Variants in ZNF248 observed in about 807,000 individuals in gnomAD.
The protein encoded by ZNF248 is zinc finger protein 248, also known as KRAB protein domain.
ZNF248 carries 20 observed loss-of-function variants against 44.3 expected under a neutral mutation model. The observed-to-expected ratio is 0.45, with a 90% CI of 0.32 to 0.66. The LOEUF is 0.66. Among genes scored for constraint, ZNF248 ranks in the 30% least tolerant of loss-of-function variants. The pLI is 0.04. For missense variants in ZNF248, 654 were observed against 677.0 expected, an observed-to-expected ratio of 0.97 and a Z score of 0.38; for synonymous variants, 224 against 229.0, an observed-to-expected ratio of 0.98 and a Z score of 0.20.
chr10:37,801,045 A>AGCCACAGATGTTTAG (rs2049749550), intron 6 of ZNF248, among the ~76,000 whole-genome samples: 1 of 151,732 alleles, frequency 6.6e-6, no homozygotes, highest in Non-Finnish European at 1.5e-5. Flanking sequence ...TACAGACATG[A>AGCCACAGATGTTTAG]GCCACTGTGC....
At chr10:37,760,764 G>A in the ZNF248 span, among the ~76,000 whole-genome samples, 14 of 152,104 alleles carry the variant, frequency 9.2e-5, no homozygotes, top group African/African-American at 3.4e-4. Context: ...AACCCAAGAG[G>A]CAGAGGTTGC....
chr10:37,832,173 G>A lies in ZNF248; in HGVS notation c.1182C>T (p.Asn394=), dbSNP rs1424353605. Residue 394 remains asparagine (N), a synonymous_variant, in exon 6 of 6, where the codon AAC becomes AAT. Transcript: ENST00000395867. ...ECGKTFWEKS[N]LTQHQRTHTG... ...TGTGTGTTCTCTGATGTTGAGTGAGGTTTGACTTCTCCCAGAAGGTTTTCC... is the reference window on the plus strand; with the variant it reads ...TGTGTGTTCTCTGATGTTGAGTGAGATTTGACTTCTCCCAGAAGGTTTTCC... 6.2e-7 allele frequency: 1 copy of A among 1,614,008 alleles called. No homozygotes were observed. Among genetic ancestry groups the A allele is most frequent in the Non-Finnish European group, 8.5e-7 (1 of 1,179,942 alleles).
intron 6 of ZNF248, among the ~76,000 whole-genome samples, chr10:37,807,955 C>T (rs892029609): frequency 3.3e-5 from 5 of 152,154 alleles, no homozygotes; most frequent in South Asian, 4.1e-4. Context: ...TACCCGAGTA[C>T]GACATTAGCT....
chr10:37,824,443 C>T (rs1460172446), downstream of ZNF248, among the ~76,000 whole-genome samples: 1 of 152,092 alleles, frequency 6.6e-6, no homozygotes, highest in African/African-American at 2.4e-5. Flanking sequence ...TTAACCATCA[C>T]AGTGACATTT....
intron 6 of ZNF248, among the ~76,000 whole-genome samples, chr10:37,787,312 C>CATAA (rs540518481): frequency 2.6e-5 from 4 of 151,628 alleles, no homozygotes; most frequent in South Asian, 4.2e-4. Context: ...AAGTAAAATA[C>CATAA]ATAAATAAAT....
intron 6 of ZNF248, among the ~76,000 whole-genome samples, chr10:37,787,264 G>A (rs2047990575): frequency 6.6e-6 from 1 of 151,846 alleles, no homozygotes; most frequent in African/African-American, 2.4e-5. Context: ...GGGTGACAGA[G>A]CAAGACTCTA....
chr10:37,847,904 G>A (rs942149799), intron 3 of ZNF248, among the ~76,000 whole-genome samples: 1 of 152,146 alleles, frequency 6.6e-6, no homozygotes, highest in Non-Finnish European at 1.5e-5. Flanking sequence ...AAAATAAAAA[G>A]CTAAAAGAAG....
chr10:37,794,178 C>T (rs926938386), intron 6 of ZNF248: 7 of 152,100 alleles, frequency 4.6e-5, no homozygotes, highest in Non-Finnish European at 8.8e-5. Flanking sequence ...AGACATTTTC[C>T]GCTATGTGTG....
In ZNF248 at chr10:37,831,677, T is replaced by C; in HGVS notation, c.1678A>G (p.Arg560Gly). ...CTCTGATGTTTGGTGAGCACTGACCTCTGACTAAAGGTCTTCCCACATGCA... is the reference window on the plus strand; with the variant it reads ...CTCTGATGTTTGGTGAGCACTGACCCCTGACTAAAGGTCTTCCCACATGCA... ...CNACGKTFSQ[R>G]SVLTKHQRIH... Residue 560 changes from arginine to glycine, a missense_variant, in exon 6 of 6, where the codon AGG becomes GGG. Physicochemically the swap from Arg to Gly is moderately radical, Grantham distance 125. Coordinates refer to ENST00000395867, the MANE Select transcript of ZNF248 (RefSeq NM_021045.3). 6.2e-7 allele frequency: 1 copy of C among 1,613,962 alleles called. No homozygotes were observed. Among genetic ancestry groups the C allele is most frequent in the Non-Finnish European group, 8.5e-7 (1 of 1,179,870 alleles).
intron 6 of ZNF248, among the ~76,000 whole-genome samples, chr10:37,780,923 A>G (rs1039346648): frequency 2.6e-5 from 4 of 152,196 alleles, no homozygotes; most frequent in African/African-American, 9.6e-5. Context: ...AGCACAGGGA[A>G]GCACTGCAGG....
chr10:37,784,719 T>C (rs558009486), intron 6 of ZNF248, among the ~76,000 whole-genome samples: 1 of 152,280 alleles, frequency 6.6e-6, no homozygotes, highest in South Asian at 2.1e-4. Context: ...CACAGTGTAG[T>C]ACACAGTGAG....
the ZNF248 span, among the ~76,000 whole-genome samples, chr10:37,763,807 T>C: frequency 6.6e-6 from 1 of 152,250 alleles, no homozygotes; most frequent in Non-Finnish European, 1.5e-5. Flanking sequence ...CACCTGTCTT[T>C]ACTGCAATCT....
At chr10:37,798,955 T>A (rs2133184754) in intron 6 of ZNF248, among the ~76,000 whole-genome samples, 1 of 152,236 alleles carries the variant, frequency 6.6e-6, no homozygotes, top group South Asian at 2.1e-4. Flanking sequence ...ATATAGTATC[T>A]AGTAATAGCT....
intron 3 of ZNF248, among the ~76,000 whole-genome samples, chr10:37,845,038 G>T: frequency 2.1e-5 from 1 of 46,524 alleles, no homozygotes. Flanking sequence ...TTTTGGAGAT[G>T]GGGGTCTCAC....
intron 6 of ZNF248, among the ~76,000 whole-genome samples, chr10:37,822,102 T>G (rs1158282211): frequency 1.3e-5 from 2 of 152,208 alleles, no homozygotes; most frequent in Non-Finnish European, 2.9e-5. Context: ...TAGTGTCCCA[T>G]GAGCCACTGT....
intron 6 of ZNF248, among the ~76,000 whole-genome samples, chr10:37,793,885 AT>A (rs2048841889): frequency 6.6e-6 from 1 of 152,122 alleles, no homozygotes; most frequent in South Asian, 2.1e-4. Flanking sequence ...TCTTTTTAAT[AT>A]GTTTTTCCAC....
intron 3 of ZNF248, among the ~76,000 whole-genome samples, chr10:37,851,422 T>C (rs551654247): frequency 6.6e-6 from 1 of 152,266 alleles, no homozygotes; most frequent in East Asian, 1.9e-4. Context: ...GCCTTAGAGA[T>C]TCCAAGCCCC....
Position 37,837,627 on chromosome 10 carries a change from C to T in ZNF248, c.228G>A (p.Gln76=). 1 of 1,613,972 alleles carries T rather than the reference C, an allele frequency of 6.2e-7. No individual in the cohort carries two copies. The highest frequency in any genetic ancestry group is 8.5e-7 in the Non-Finnish European group (1 of 1,179,924). The change falls in exon 5 of 6, where the codon CAG becomes CAA. Residue 76 remains glutamine, a synonymous_variant. Transcript: ENST00000395867. ...AAATCACTAACTCACCTGGGTGGCA[C>T]TGGCTTGGGAATCCTTTTTCTAATA... ...PWILEKGFPS[Q]CHPERKWKVD...
chr10:37,808,435 A>C (rs2050939600), intron 6 of ZNF248, among the ~76,000 whole-genome samples: 2 of 151,686 alleles, frequency 1.3e-5, no homozygotes, highest in Non-Finnish European at 2.9e-5. Context: ...AGCACACCCC[A>C]CCACACCTGG....
Sources: gnomAD v4.1 joint callset for allele counts (sites outside exome capture counted in the v4.1 genomes callset) on GRCh38, gnomAD v4.1.1 for gene constraint, MANE v1.5 for transcripts, NCBI Gene and HGNC (gene_info 2026-07-23, HGNC 2026-07-21) for gene names.